The following PREPL variants were observed in gnomAD, a reference collection of about 807,000 sequenced individuals.
PREPL encodes the protein prolyl endopeptidase like, also known as prolyl endopeptidase-like.
Under a neutral mutation model 70.6 loss-of-function variants are expected in PREPL, and 77 were observed. The ratio of observed to expected loss-of-function variants is 1.09; its 90% CI spans 0.91 to 1.32. PREPL has a LOEUF of 1.32. PREPL is among the 40% of genes most tolerant of loss of function. The pLI is 0.00. For synonymous variants in PREPL, 315 were observed against 264.8 expected (o/e 1.19, Z -1.84); for missense variants, 1,002 against 778.2 (o/e 1.29, Z -3.42).
rs1339995644 is a variant in PREPL at position 44,323,396 on chromosome 2, C to T, written c.1495G>A (p.Val499Ile). ...AVTLEAPFLD[V>I]LNTMMDTTLP... Reference sequence around the variant, plus strand: ...GTAGTGTCCATCATGGTGTTGAGAACATCCAAGAAAGGTGCCTAAAAAAAA... The same window carrying T: ...GTAGTGTCCATCATGGTGTTGAGAATATCCAAGAAAGGTGCCTAAAAAAAA... Residue 499 changes from valine (V) to isoleucine (I), a missense_variant, in exon 11 of 14, where the codon GTT becomes ATT. By Grantham distance (29) the Val-to-Ile change is conservative (BLOSUM62 3). Transcript: ENST00000409411. 1 of 1,588,418 alleles carries T rather than the reference C, an allele frequency of 6.3e-7. No homozygotes were observed. The highest frequency in any genetic ancestry group is 1.2e-5 in the South Asian group (1 of 86,088).
intron 1 of PREPL, among the ~76,000 whole-genome samples, chr2:44,352,950 G>C (rs1676607974): frequency 6.6e-6 from 1 of 152,162 alleles, no homozygotes; most frequent in African/African-American, 2.4e-5. Context: ...ATAAGTGTAA[G>C]AAAAGATGCT....
At chr2:44,324,465 C>A (rs78532351) in intron 10 of PREPL, among the ~76,000 whole-genome samples, 5 of 151,894 alleles carry the variant, frequency 3.3e-5, no homozygotes, top group African/African-American at 9.7e-5. Flanking sequence ...TCTTTTTGAC[C>A]AGTTGGACAT....
chr2:44,337,396 T>G (rs1020123283), intron 7 of PREPL, among the ~76,000 whole-genome samples: 2 of 152,232 alleles, frequency 1.3e-5, no homozygotes, highest in African/African-American at 4.8e-5. Flanking sequence ...AGTTTAATCT[T>G]GTGATTAACT....
rs368796166 is a variant in PREPL, at chr2:44,320,221, C to A, written c.*1135G>T. On this transcript the variant is annotated 3_prime_UTR_variant, in exon 14 of 14. Coordinates refer to ENST00000409411, the MANE Select transcript of PREPL (RefSeq NM_001171613.2). Reference sequence around the variant, plus strand: ...TAGGTCCAAAAGACTCAGCCCAGATCGGCTTTGAAGTTATATCAAGATTTA... The same window carrying A: ...TAGGTCCAAAAGACTCAGCCCAGATAGGCTTTGAAGTTATATCAAGATTTA... The A allele has an allele frequency of 3.1e-6, 5 of 1,613,698 alleles. No individual in the cohort carries two copies. Among genetic ancestry groups the A allele is most frequent in the South Asian group, 1.1e-5 (1 of 91,026 alleles).
intron 1 of PREPL, among the ~76,000 whole-genome samples, chr2:44,350,473 T>C (rs1335015200): frequency 6.6e-6 from 1 of 152,134 alleles, no homozygotes; most frequent in African/African-American, 2.4e-5. Flanking sequence ...TACACAGAAA[T>C]ATACTAAATC....
At chr2:44,337,656 ACCT>A (rs1164806955) in intron 7 of PREPL, among the ~76,000 whole-genome samples, 1 of 152,182 alleles carries the variant, frequency 6.6e-6, no homozygotes, top group African/African-American at 2.4e-5. Flanking sequence ...AGTGCCTACT[ACCT>A]CAACTCACAT....
intron 1 of PREPL, among the ~76,000 whole-genome samples, chr2:44,357,811 T>C (rs901365168): frequency 2.0e-5 from 3 of 152,132 alleles, no homozygotes; most frequent in Non-Finnish European, 1.5e-5. Context: ...TTTAGTTCAA[T>C]AGGTGAAATT....
At position 44,344,604 on chromosome 2, in the gene PREPL, C is replaced by A; in HGVS notation, c.76-18G>T. On this transcript the variant is annotated intron_variant, in intron 2 of 13. Coordinates refer to ENST00000409411, the MANE Select transcript of PREPL (RefSeq NM_001171613.2). Reference sequence around the variant, plus strand: ...TGTTTAACCTGACAAAAGAAACATGCAGTTTACTTAATAATAATTTAATTA... The same window carrying A: ...TGTTTAACCTGACAAAAGAAACATGAAGTTTACTTAATAATAATTTAATTA... 6.4e-7 allele frequency: 1 copy of A among 1,552,774 alleles called. No homozygotes were observed.
intron 1 of PREPL, among the ~76,000 whole-genome samples, chr2:44,358,201 C>G (rs1339686495): frequency 1.3e-5 from 2 of 151,996 alleles, no homozygotes; most frequent in African/African-American, 2.4e-5. Flanking sequence ...TTTATACATA[C>G]AAAGGAATAT....
At chr2:44,342,037 A>C (rs1675281437) in intron 5 of PREPL, among the ~76,000 whole-genome samples, 1 of 152,172 alleles carries the variant, frequency 6.6e-6, no homozygotes, top group African/African-American at 2.4e-5. Flanking sequence ...TTATTTAAGC[A>C]ATAGATACTG....
chr2:44,337,560 G>T (rs1178348692), intron 7 of PREPL, among the ~76,000 whole-genome samples: 1 of 152,162 alleles, frequency 6.6e-6, no homozygotes, highest in Non-Finnish European at 1.5e-5. Flanking sequence ...AGTTAGGGAG[G>T]TATAAATGGT....
intron 1 of PREPL, among the ~76,000 whole-genome samples, chr2:44,360,874 GC>G (rs1558528792): frequency 6.6e-6 from 1 of 152,114 alleles, no homozygotes; most frequent in African/African-American, 2.4e-5. Context: ...TCCACAAAAT[GC>G]CCCCTGGTAT....
Position 44,338,443 on chromosome 2 carries a change from A to T in PREPL, c.796T>A (p.Phe266Ile). 1 of 1,613,156 alleles carries T rather than the reference A, an allele frequency of 6.2e-7. No individual in the cohort carries two copies. Among genetic ancestry groups the T allele is most frequent in the Non-Finnish European group, 8.5e-7 (1 of 1,179,428 alleles). Reference sequence around the variant, plus strand: ...AGAAATAGAACACAGTGATCCTTAAACATGTCCAAGTCTATCACTTTTGTA... The same window carrying T: ...AGAAATAGAACACAGTGATCCTTAATCATGTCCAAGTCTATCACTTTTGTA... ...RNTKVIDLDM[F>I]KDHCVLFLKH... is the part of the protein sequence containing the mutation. Residue 266 changes from phenylalanine to isoleucine, a missense_variant, in exon 7 of 14, where the codon TTT (phenylalanine) becomes ATT (isoleucine). Phe to Ile is a conservative substitution (Grantham distance 21). Coordinates refer to ENST00000409411, the MANE Select transcript of PREPL (RefSeq NM_001171613.2).
chr2:44,338,522 C>A lies in PREPL; in HGVS notation c.717G>T (p.Ala239=). The A allele has an allele frequency of 1.2e-6, 2 of 1,608,374 alleles. No individual in the cohort carries two copies. The highest frequency in any genetic ancestry group is 1.7e-6 in the Non-Finnish European group (2 of 1,178,734). The change falls in exon 7 of 14, where the codon GCG becomes GCT. Residue 239 remains alanine, a synonymous_variant. Transcript: ENST00000409411. The part of the protein sequence containing the change: ...EPTEFKLMRT[A]ADTPAIMNWD... ...AATTCATAATTGCAGGGGTATCAGCCGCTGTTCTCATTAGCTACGTGGAAC... is the reference window on the plus strand; with the variant it reads ...AATTCATAATTGCAGGGGTATCAGCAGCTGTTCTCATTAGCTACGTGGAAC...
In PREPL at chr2:44,326,457, A is replaced by G. The variant is rs140741642; in HGVS notation, c.1479+255T>C. ...AGCACAGTGGTCCACTGCAGCCTCA[A>G]CCTCTTAAGAGATCCTCTTACCAAC... is the stretch of plus-strand genomic sequence containing the variant. On this transcript the variant is annotated intron_variant, in intron 10 of 13. Coordinates refer to ENST00000409411, the MANE Select transcript of PREPL (RefSeq NM_001171613.2). Among the ~76,000 whole-genome samples, 1,358 of 146,168 alleles carry G rather than the reference A, an allele frequency of 9.3e-3. 25 individuals carry two copies. The highest frequency in any genetic ancestry group is 0.084 in the South Asian group (384 of 4,550).
chr2:44,343,873 A>T lies in PREPL; in HGVS notation c.221T>A (p.Val74Asp). ...AGCCACATATTTTTCATCTGGAGCA[A>T]CTCTGATACAATCAATGAAGGGCTG... The part of the protein sequence containing the change: ...LDQPFIDCIR[V>D]APDEKYVAAK... The change falls in exon 4 of 14, where the codon GTT becomes GAT. Residue 74 changes from valine (V) to aspartate (D), a missense_variant. Val to Asp is a radical substitution (Grantham distance 152). Transcript: ENST00000409411. 6.2e-7 allele frequency: 1 copy of T among 1,614,066 alleles called. No homozygotes were observed. Among genetic ancestry groups the T allele is most frequent in the South Asian group, 1.1e-5 (1 of 91,080 alleles).
At chr2:44,355,457 G>C (rs181034415) in intron 1 of PREPL, among the ~76,000 whole-genome samples, 1 of 152,144 alleles carries the variant, frequency 6.6e-6, no homozygotes, top group African/African-American at 2.4e-5. Flanking sequence ...GCTAAGGCAC[G>C]AGAATCACTT....
Position 44,323,418 on chromosome 2 carries a change from A to C in PREPL, c.1480-7T>G. ...GAACATCCAAGAAAGGTGCCTAAAA[A>C]AAAGGCAAAGAAACTTATACTTCAA... On this transcript the variant is annotated splice_region_variant and splice_polypyrimidine_tract_variant and intron_variant, in intron 10 of 13. Transcript: ENST00000409411. 6.4e-7 allele frequency: 1 copy of C among 1,573,312 alleles called. No homozygotes were observed. The highest frequency in any genetic ancestry group is 8.6e-7 in the Non-Finnish European group (1 of 1,162,292).
intron 1 of PREPL, chr2:44,359,786 C>A: frequency 9.1e-7 from 1 of 1,094,666 alleles, no homozygotes. Context: ...GGTATGATTA[C>A]AGAGTAGTGG....
Sources: gnomAD v4.1 joint callset for allele counts (sites outside exome capture counted in the v4.1 genomes callset) on GRCh38, gnomAD v4.1.1 for gene constraint, MANE v1.5 for transcripts, NCBI Gene and HGNC (gene_info 2026-07-23, HGNC 2026-07-21) for gene names.